PCDHB1: variants seen among roughly 807,000 people sequenced by gnomAD.
The protein encoded by PCDHB1 is protocadherin beta 1.
In PCDHB1, 44 loss-of-function variants were observed where a neutral mutation model predicts 43.5. The ratio of observed to expected loss-of-function variants is 1.01; its 90% CI spans 0.79 to 1.30. PCDHB1 has a LOEUF of 1.30. Among genes scored for constraint, PCDHB1 ranks in the 50% most tolerant of loss-of-function variants. The pLI, the probability that PCDHB1 is intolerant of heterozygous loss-of-function variation, is 0.00. For missense variants in PCDHB1, 919 were observed against 1,008.9 expected, an observed-to-expected ratio of 0.91 and a Z score of 1.21; for synonymous variants, 392 against 400.8, an observed-to-expected ratio of 0.98 and a Z score of 0.26.
chr5:141,057,591 TAAC>T lies in PCDHB1; in HGVS notation c.*3667_*3669del. ...AGAAAAAAGAAAAAAAAAGGTAAGA[TAAC>T]AATCTCATAAAAGAAACCATCCTTT... On this transcript the variant is annotated 3_prime_UTR_variant, in exon 1 of 1. Transcript: ENST00000306549. The T allele has an allele frequency of 7.0e-6, 1 of 142,516 alleles. No individual in the cohort carries two copies. Among genetic ancestry groups the T allele is most frequent in the South Asian group, 2.3e-4 (1 of 4,368 alleles). The allele number at this position is 142,516 out of a possible 1,614,324, so 8.8% of individuals were successfully genotyped here.
chr5:141,057,151 T>C lies in PCDHB1; in HGVS notation c.*3224T>C, dbSNP rs1317652221. 4 of 152,204 alleles carry C rather than the reference T, an allele frequency of 2.6e-5. No homozygotes were observed. The highest frequency in any genetic ancestry group is 4.4e-5 in the Non-Finnish European group (3 of 68,042). The allele number at this position is 152,204 out of a possible 1,614,324, so 9.4% of individuals were successfully genotyped here. ...ACACATACACAATGGACAGAAGATG[T>C]AGATTTGTCAACTTTTTATTTTTTC... On this transcript the variant is annotated 3_prime_UTR_variant, in exon 1 of 1. Coordinates refer to ENST00000306549, the MANE Select transcript of PCDHB1 (RefSeq NM_013340.4).
In PCDHB1 at chr5:141,053,755, G is replaced by A; in HGVS notation, c.2285G>A (p.Gly762Asp). Residue 762 changes from glycine (G) to aspartate (D), a missense_variant, in exon 1 of 1, where the codon GGC becomes GAC. By Grantham distance (94) the Gly-to-Asp change is moderately conservative. Coordinates refer to ENST00000306549, the MANE Select transcript of PCDHB1 (RefSeq NM_013340.4). ...CCATATGAAATGTGTTCAGCCACTGGCACTGGTAATAGTGAGTTTCGCTTT... is the reference window on the plus strand; with the variant it reads ...CCATATGAAATGTGTTCAGCCACTGACACTGGTAATAGTGAGTTTCGCTTT... Reference protein sequence around the residue: ...PCPYEMCSATGTGNSEFRFLK... With the variant: ...PCPYEMCSATDTGNSEFRFLK... 3.1e-6 allele frequency: 5 copies of A among 1,614,168 alleles called. No individual in the cohort carries two copies.
Position 141,053,735 on chromosome 5 carries a change from T to A in PCDHB1, c.2265T>A (p.Tyr755Ter), listed in dbSNP as rs782100367. ...GATCCTTATCTCGGCCTTGTCCATA[T>A]GAAATGTGTTCAGCCACTGGCACTG... ...GNGSLSRPCP[Y>*]EMCSATGTGN... Residue 755 changes from tyrosine (Y) to a stop codon, truncating the protein, a stop_gained, in exon 1 of 1, where the codon TAT (tyrosine) becomes TAA (stop). Transcript: ENST00000306549. LOFTEE classifies it high-confidence loss of function. 1 of 1,614,234 alleles carries A rather than the reference T, an allele frequency of 6.2e-7. No homozygotes were observed. Among genetic ancestry groups the A allele is most frequent in the South Asian group, 1.1e-5 (1 of 91,088 alleles).
rs1751013645 is a variant in PCDHB1 at position 141,052,557 on chromosome 5, C to T, written c.1087C>T (p.Gln363Ter). ...SSPLPEDSPP[Q>*]TVVALFTIRD... is the part of the protein sequence containing the mutation. ...CCCACTCCCTGAAGACTCACCACCA[C>T]AGACAGTAGTAGCCCTTTTCACTAT... The change falls in exon 1 of 1, where the codon CAG becomes TAG. Residue 363 changes from glutamine (Q) to a stop codon, truncating the protein, a stop_gained. Transcript: ENST00000306549. LOFTEE classifies it high-confidence loss of function. 3 of 1,614,192 alleles carry T rather than the reference C, an allele frequency of 1.9e-6. No homozygotes were observed. Among genetic ancestry groups the T allele is most frequent in the Admixed American group, 1.7e-5 (1 of 60,036 alleles).
At position 141,059,011 on chromosome 5, in the gene PCDHB1, T is replaced by C. The variant is rs1751187988; in HGVS notation, c.*5084T>C. The C allele has an allele frequency of 6.6e-6, 1 of 152,168 alleles. No individual in the cohort carries two copies. Among genetic ancestry groups the C allele is most frequent in the South Asian group, 2.1e-4 (1 of 4,832 alleles). The allele number at this position is 152,168 out of a possible 1,614,324, so 9.4% of individuals were successfully genotyped here. A position where few individuals can be genotyped will look rare whatever the true frequency, so the allele number is the denominator to read the frequency against. Reference sequence around the variant, plus strand: ...TGGAATTATCCATATAGAATACATTTTTATCAAAATTAGTATTTCTTTGTA... The same window carrying C: ...TGGAATTATCCATATAGAATACATTCTTATCAAAATTAGTATTTCTTTGTA... On this transcript the variant is annotated 3_prime_UTR_variant, in exon 1 of 1. Transcript: ENST00000306549.
Position 141,053,965 on chromosome 5 carries a change from A to AT in PCDHB1, c.*42dup, listed in dbSNP as rs1751067973. The AT allele has an allele frequency of 6.5e-7, 1 of 1,531,174 alleles. No homozygotes were observed. The highest frequency in any genetic ancestry group is 2.0e-5 in the Admixed American group (1 of 49,208). The allele number at this position is 1,531,174 out of a possible 1,614,324, so 94.8% of individuals were successfully genotyped here. ...GGCTCAGTGAGAGAAGAGAAGCAAA[A>AT]TTTTATACTTGGTATGCAAAGATGT... On this transcript the variant is annotated 3_prime_UTR_variant, in exon 1 of 1. Coordinates refer to ENST00000306549, the MANE Select transcript of PCDHB1 (RefSeq NM_013340.4).
rs146236095 is a variant in PCDHB1, at chr5:141,052,791, C to T, written c.1321C>T (p.Leu441=). Residue 441 remains leucine (L), a synonymous_variant, in exon 1 of 1, where the codon CTA becomes TTA. Coordinates refer to ENST00000306549, the MANE Select transcript of PCDHB1 (RefSeq NM_013340.4). ...SLSAETMIEV[L]ISDVNDNPPI... is the part of the protein sequence containing the mutation. ...GTCTGCCGAGACTATGATAGAGGTGCTAATATCCGACGTTAATGACAATCC... is the reference window on the plus strand; with the variant it reads ...GTCTGCCGAGACTATGATAGAGGTGTTAATATCCGACGTTAATGACAATCC... 3.2e-4 allele frequency: 520 copies of T among 1,614,022 alleles called. No individual in the cohort carries two copies. The highest frequency in any genetic ancestry group is 4.0e-4 in the Non-Finnish European group (473 of 1,180,040).
In PCDHB1 at chr5:141,053,284, A is replaced by T. The variant is rs782455855; in HGVS notation, c.1814A>T (p.Tyr605Phe). ...GDSGQNSWLS[Y>F]HLLKATDLGL... Reference sequence around the variant, plus strand: ...TCAGGTCAGAATTCTTGGCTTTCATATCATCTACTTAAGGCCACTGACCTT... The same window carrying T: ...TCAGGTCAGAATTCTTGGCTTTCATTTCATCTACTTAAGGCCACTGACCTT... The change falls in exon 1 of 1, where the codon TAT becomes TTT. Residue 605 changes from tyrosine to phenylalanine, a missense_variant. By Grantham distance (22) the Tyr-to-Phe change is conservative. Transcript: ENST00000306549. The T allele has an allele frequency of 6.8e-6, 11 of 1,614,106 alleles. No homozygotes were observed. In the South Asian group the frequency reaches 1.2e-4, roughly 18 times the overall value.
rs1348079014 is a variant in PCDHB1 at position 141,057,054 on chromosome 5, A to G, written c.*3127A>G. ...GGCTTAATGTCAAGGATAGGAAAAG[A>G]AAATGGTGTAGATTCATGATTTTAA... On this transcript the variant is annotated 3_prime_UTR_variant, in exon 1 of 1. Transcript: ENST00000306549. 1.3e-5 allele frequency: 2 copies of G among 152,248 alleles called. No homozygotes were observed. The highest frequency in any genetic ancestry group is 4.8e-5 in the African/African-American group (2 of 41,470). 9.4% of individuals were successfully genotyped at this position (152,248 alleles called of 1,614,324 possible).
Position 141,052,304 on chromosome 5 carries a change from T to A in PCDHB1, c.834T>A (p.Thr278=). 1 of 1,614,194 alleles carries A rather than the reference T, an allele frequency of 6.2e-7. No individual in the cohort carries two copies. The highest frequency in any genetic ancestry group is 8.5e-7 in the Non-Finnish European group (1 of 1,180,036). The part of the protein sequence containing the change: ...DLDEGTNKAI[T]YSLAQNPEAI... ...ACGAGGGCACCAACAAAGCGATAACTTACTCTTTAGCTCAAAACCCAGAAG... is the reference window on the plus strand; with the variant it reads ...ACGAGGGCACCAACAAAGCGATAACATACTCTTTAGCTCAAAACCCAGAAG... Residue 278 remains threonine (T), a synonymous_variant, in exon 1 of 1, where the codon ACT becomes ACA. Transcript: ENST00000306549.
At position 141,056,375 on chromosome 5, in the gene PCDHB1, T is replaced by C. The variant is rs1365989113; in HGVS notation, c.*2448T>C. The C allele has an allele frequency of 6.6e-6, 1 of 152,178 alleles. No individual in the cohort carries two copies. Among genetic ancestry groups the C allele is most frequent in the Non-Finnish European group, 1.5e-5 (1 of 68,038 alleles). The allele number at this position is 152,178 out of a possible 1,614,324, so 9.4% of individuals were successfully genotyped here. On this transcript the variant is annotated 3_prime_UTR_variant, in exon 1 of 1. Coordinates refer to ENST00000306549, the MANE Select transcript of PCDHB1 (RefSeq NM_013340.4). Reference sequence around the variant, plus strand: ...AGAACTGGTGTAACCTATGGCTGCCTTCAATGTTAAAATGTTAAAGAACAG... The same window carrying C: ...AGAACTGGTGTAACCTATGGCTGCCCTCAATGTTAAAATGTTAAAGAACAG...
Position 141,051,525 on chromosome 5 carries a change from A to T in PCDHB1, c.55A>T (p.Ile19Phe), listed in dbSNP as rs1327076505. The T allele has an allele frequency of 9.9e-6, 16 of 1,613,988 alleles. No homozygotes were observed. Among genetic ancestry groups the T allele is most frequent in the African/African-American group, 1.3e-5 (1 of 74,902 alleles). The change falls in exon 1 of 1, where the codon ATT becomes TTT. Residue 19 changes from isoleucine (I) to phenylalanine (F), a missense_variant. Physicochemically the swap from Ile to Phe is conservative, Grantham distance 21 (BLOSUM62 0). Coordinates refer to ENST00000306549, the MANE Select transcript of PCDHB1 (RefSeq NM_013340.4). ...LQNRQVGSLLIFLCISVGDAT... is the reference protein window; with the variant it reads ...LQNRQVGSLLFFLCISVGDAT... ...AAACAGGCAAGTGGGATCTCTTCTC[A>T]TTTTTCTGTGCATATCTGTGGGGGA...
Position 141,052,177 on chromosome 5 carries a change from A to G in PCDHB1, c.707A>G (p.Asn236Ser), listed in dbSNP as rs782466235. Reference protein sequence around the residue: ...AHIHVVVLDVNDHVPQFSRLV... With the variant: ...AHIHVVVLDVSDHVPQFSRLV... ...ATCCACGTGGTGGTTCTGGATGTCA[A>G]CGACCACGTGCCCCAGTTCTCGCGA... Residue 236 changes from asparagine to serine, a missense_variant, in exon 1 of 1, where the codon AAC becomes AGC. Transcript: ENST00000306549. 3 of 1,614,036 alleles carry G rather than the reference A, an allele frequency of 1.9e-6. No homozygotes were observed. The highest frequency in any genetic ancestry group is 1.7e-5 in the Admixed American group (1 of 60,010).
At position 141,056,118 on chromosome 5, in the gene PCDHB1, A is replaced by G. The variant is rs782017188; in HGVS notation, c.*2191A>G. ...GCTTTAATTATATTCCTTATTTTAT[A>G]AAAATGTGTGTAAATTCAGACTCAC... On this transcript the variant is annotated 3_prime_UTR_variant, in exon 1 of 1. Transcript: ENST00000306549. 7.0e-6 allele frequency: 1 copy of G among 142,418 alleles called. No individual in the cohort carries two copies. The highest frequency in any genetic ancestry group is 1.5e-5 in the Non-Finnish European group (1 of 67,998). 8.8% of individuals were successfully genotyped at this position (142,418 alleles called of 1,614,324 possible). A position where few individuals can be genotyped will look rare whatever the true frequency, so the allele number is the denominator to read the frequency against.
rs782322679 is a variant in PCDHB1 at position 141,053,728 on chromosome 5, G to A, written c.2258G>A (p.Cys753Tyr). The A allele has an allele frequency of 6.2e-7, 1 of 1,614,160 alleles. No homozygotes were observed. Among genetic ancestry groups the A allele is most frequent in the Non-Finnish European group, 8.5e-7 (1 of 1,179,996 alleles). Residue 753 changes from cysteine (C) to tyrosine (Y), a missense_variant, in exon 1 of 1, where the codon TGT (cysteine) becomes TAT (tyrosine). Cys to Tyr is a radical substitution (Grantham distance 194). Coordinates refer to ENST00000306549, the MANE Select transcript of PCDHB1 (RefSeq NM_013340.4). ...GQGNGSLSRP[C>Y]PYEMCSATGT... ...GGCAATGGATCCTTATCTCGGCCTT[G>A]TCCATATGAAATGTGTTCAGCCACT...
rs1751124158 is a variant in PCDHB1, at chr5:141,055,932, G to T, written c.*2005G>T. 6.6e-6 allele frequency: 1 copy of T among 152,274 alleles called. No individual in the cohort carries two copies. Among genetic ancestry groups the T allele is most frequent in the African/African-American group, 2.4e-5 (1 of 41,562 alleles). 9.4% of individuals were successfully genotyped at this position (152,274 alleles called of 1,614,324 possible). On this transcript the variant is annotated 3_prime_UTR_variant, in exon 1 of 1. Transcript: ENST00000306549. ...GTTTGCTTTAGAGAAGGGCATGGTG[G>T]CTCATACCTGTAGTCCCAGCTACTC...
rs1157669374 is a variant in PCDHB1, at chr5:141,053,246, T to C, written c.1776T>C (p.Ala592=). 6.2e-7 allele frequency: 1 copy of C among 1,614,228 alleles called. No individual in the cohort carries two copies. The highest frequency in any genetic ancestry group is 8.5e-7 in the Non-Finnish European group (1 of 1,180,042). The change falls in exon 1 of 1, where the codon GCT becomes GCC. Residue 592 remains alanine, a synonymous_variant. Coordinates refer to ENST00000306549, the MANE Select transcript of PCDHB1 (RefSeq NM_013340.4). ...EAGYLVTKVV[A]VDGDSGQNSW... Reference sequence around the variant, plus strand: ...GCTACCTAGTGACCAAAGTGGTGGCTGTGGATGGTGACTCAGGTCAGAATT... The same window carrying C: ...GCTACCTAGTGACCAAAGTGGTGGCCGTGGATGGTGACTCAGGTCAGAATT...
Position 141,056,695 on chromosome 5 carries a change from C to T in PCDHB1, c.*2768C>T, listed in dbSNP as rs1554267852. ...TCTCGGCTCACTGCAAACTCCGTCT[C>T]CTGGGTTCAAGTGATCTTCCTGCCT... On this transcript the variant is annotated 3_prime_UTR_variant, in exon 1 of 1. Coordinates refer to ENST00000306549, the MANE Select transcript of PCDHB1 (RefSeq NM_013340.4). 6.6e-6 allele frequency: 1 copy of T among 152,228 alleles called. No individual in the cohort carries two copies. The highest frequency in any genetic ancestry group is 6.5e-5 in the Admixed American group (1 of 15,274). 9.4% of individuals were successfully genotyped at this position (152,228 alleles called of 1,614,324 possible).
At position 141,051,917 on chromosome 5, in the gene PCDHB1, T is replaced by C. The variant is rs140555922; in HGVS notation, c.447T>C (p.Gly149=). Residue 149 remains glycine, a synonymous_variant, in exon 1 of 1, where the codon GGT becomes GGC. Coordinates refer to ENST00000306549, the MANE Select transcript of PCDHB1 (RefSeq NM_013340.4). ...LLKIPESTPL[G]SRFPLQSAQD... The stretch of plus-strand genomic sequence containing the variant: ...AGATTCCGGAGAGCACCCCTTTGGG[T>C]TCACGTTTTCCTCTGCAGAGCGCCC... The C allele has an allele frequency of 3.3e-5, 53 of 1,614,124 alleles. 1 individual carries two copies. In the African/African-American group the frequency reaches 5.3e-4, roughly 16 times the overall value.
Sources: gnomAD v4.1 joint callset for allele counts on GRCh38, gnomAD v4.1.1 for gene constraint, MANE v1.5 for transcripts, NCBI Gene and HGNC (gene_info 2026-07-23, HGNC 2026-07-21) for gene names.